Variants in ERBB4 observed in about 807,000 individuals in gnomAD.
ERBB4 encodes receptor tyrosine-protein kinase erbB-4.
Under a neutral mutation model 158.0 loss-of-function variants are expected in ERBB4, and 42 were observed. The observed-to-expected ratio is 0.27, with a 90% CI of 0.21 to 0.34. The LOEUF (loss-of-function observed/expected upper bound fraction) is 0.34, where lower values mean the gene tolerates loss of function less well. Ranked by LOEUF, ERBB4 falls within the 10% of genes least tolerant of loss-of-function variation. The pLI is 1.00. For missense variants in ERBB4, 1,333 were observed against 1,624.1 expected, an observed-to-expected ratio of 0.82 and a Z score of 3.08; for synonymous variants, 583 against 558.7, an observed-to-expected ratio of 1.04 and a Z score of -0.61.
chr2:211,391,649 T>C (rs544587613), intron 25 of ERBB4, among the ~76,000 whole-genome samples: 7 of 152,320 alleles, frequency 4.6e-5, no homozygotes, highest in African/African-American at 1.7e-4. Flanking sequence ...AAGGCAAGTA[T>C]CAGTAAATGA....
At chr2:212,006,669 C>T (rs2125296017) in intron 2 of ERBB4, among the ~76,000 whole-genome samples, 1 of 152,080 alleles carries the variant, frequency 6.6e-6, no homozygotes, top group Middle Eastern at 3.4e-3. Flanking sequence ...TGATCCGTGG[C>T]TCAGAGCATC....
intron 1 of ERBB4, among the ~76,000 whole-genome samples, chr2:212,512,337 T>C (rs796144689): frequency 8.7e-5 from 13 of 149,466 alleles, no homozygotes; most frequent in Non-Finnish European, 1.0e-4. Flanking sequence ...TATATATATA[T>C]ACACACAAAT....
intron 1 of ERBB4, among the ~76,000 whole-genome samples, chr2:212,464,520 G>A (rs539496838): frequency 5.3e-5 from 8 of 151,970 alleles, no homozygotes; most frequent in Non-Finnish European, 1.2e-4. Flanking sequence ...CAGTTTAGCT[G>A]CCTGAGAACC....
At chr2:211,556,890 A>G (rs929436931) in intron 20 of ERBB4, among the ~76,000 whole-genome samples, 3 of 152,232 alleles carry the variant, frequency 2.0e-5, no homozygotes, top group Admixed American at 6.5e-5. Flanking sequence ...CCAACACAGC[A>G]TGGTACTGGT....
At chr2:211,469,399 T>C (rs1372700396) in intron 20 of ERBB4, among the ~76,000 whole-genome samples, 1 of 152,124 alleles carries the variant, frequency 6.6e-6, no homozygotes, top group Non-Finnish European at 1.5e-5. Flanking sequence ...CATAGTCTGG[T>C]GGGGGAAGTG....
chr2:211,510,447 G>A (rs1385389801), intron 20 of ERBB4, among the ~76,000 whole-genome samples: 3 of 152,042 alleles, frequency 2.0e-5, no homozygotes, highest in South Asian at 2.1e-4. Context: ...AAACCTGCAT[G>A]TGTGTCCCCT....
intron 1 of ERBB4, among the ~76,000 whole-genome samples, chr2:212,494,040 A>G (rs1044375443): frequency 2.6e-5 from 4 of 151,852 alleles, no homozygotes; most frequent in East Asian, 1.9e-4. Context: ...TTTGCATCAC[A>G]AAGAATAGTG....
At chr2:212,292,741 G>T (rs2086254163) in intron 1 of ERBB4, among the ~76,000 whole-genome samples, 2 of 152,032 alleles carry the variant, frequency 1.3e-5, no homozygotes, top group African/African-American at 4.8e-5. Context: ...AAAAAGATTA[G>T]TGAAAAGTTG....
chr2:212,115,481 T>C (rs1026239416), intron 2 of ERBB4, among the ~76,000 whole-genome samples: 2 of 152,232 alleles, frequency 1.3e-5, no homozygotes, highest in Non-Finnish European at 2.9e-5. Flanking sequence ...AAAAGATAGC[T>C]CATTGCCAAT....
chr2:211,724,342 GTCTT>G lies in ERBB4; in HGVS notation c.741+730_741+733del, dbSNP rs201673268. Among the ~76,000 whole-genome samples the G allele has an allele frequency of 8.5e-3, 1,257 of 148,582 alleles. 4 individuals are homozygous for G. Among genetic ancestry groups the G allele is most frequent in the Middle Eastern group, 0.014 (4 of 290 alleles). On this transcript the variant is annotated intron_variant, in intron 6 of 27. Coordinates refer to ENST00000342788, the MANE Select transcript of ERBB4 (RefSeq NM_005235.3). ...GGTTTGCTCATTGCTGGAATTAAGT[GTCTT>G]TCTTTTTTTTTTTTTAAAAAAAGCT...
intron 1 of ERBB4, among the ~76,000 whole-genome samples, chr2:212,519,417 T>C (rs1460492833): frequency 6.6e-6 from 1 of 151,956 alleles, no homozygotes; most frequent in Non-Finnish European, 1.5e-5. Context: ...TTTTCAAGAA[T>C]GTATTGATGG....
chr2:211,810,469 T>G (rs914622938), intron 3 of ERBB4, among the ~76,000 whole-genome samples: 2 of 152,190 alleles, frequency 1.3e-5, no homozygotes, highest in Non-Finnish European at 2.9e-5. Context: ...TCTTTTGATC[T>G]TTGTTTGTTT....
At chr2:212,258,279 C>A (rs1173421226) in intron 1 of ERBB4, among the ~76,000 whole-genome samples, 1 of 151,836 alleles carries the variant, frequency 6.6e-6, no homozygotes, top group Non-Finnish European at 1.5e-5. Flanking sequence ...TCATTAAAGA[C>A]TACTTTTTAG....
chr2:211,896,664 T>C (rs2079105828), intron 3 of ERBB4, among the ~76,000 whole-genome samples: 1 of 152,170 alleles, frequency 6.6e-6, no homozygotes, highest in South Asian at 2.1e-4. Context: ...CCTTTTAAAA[T>C]TTGATTGTCA....
intron 2 of ERBB4, among the ~76,000 whole-genome samples, chr2:211,977,341 T>C (rs2081638187): frequency 6.6e-6 from 1 of 152,048 alleles, no homozygotes; most frequent in Non-Finnish European, 1.5e-5. Context: ...AGAAAGATGA[T>C]GAAGTAGTCT....
At chr2:211,786,723 C>T (rs1047978245) in intron 4 of ERBB4, among the ~76,000 whole-genome samples, 1 of 152,174 alleles carries the variant, frequency 6.6e-6, no homozygotes, top group Non-Finnish European at 1.5e-5. Flanking sequence ...GTCTGATAAG[C>T]TGAGAGTCAG....
intron 3 of ERBB4, among the ~76,000 whole-genome samples, chr2:211,865,746 A>C (rs1027703652): frequency 1.3e-5 from 2 of 152,216 alleles, no homozygotes; most frequent in African/African-American, 2.4e-5. Context: ...TGCTCAGACC[A>C]AAGAGTAAGA....
chr2:212,423,090 G>A (rs546283525), intron 1 of ERBB4, among the ~76,000 whole-genome samples: 7 of 152,132 alleles, frequency 4.6e-5, no homozygotes, highest in African/African-American at 1.7e-4. Flanking sequence ...AAAGTAATCT[G>A]TGTAAATAAA....
chr2:212,410,113 A>T (rs972706480), intron 1 of ERBB4, among the ~76,000 whole-genome samples: 4 of 152,088 alleles, frequency 2.6e-5, no homozygotes, highest in African/African-American at 4.8e-5. Context: ...TTTTAAAGAT[A>T]GAAGTGACAC....
Sources: gnomAD v4.1 joint callset for allele counts (sites outside exome capture counted in the v4.1 genomes callset) on GRCh38, gnomAD v4.1.1 for gene constraint, MANE v1.5 for transcripts, NCBI Gene and HGNC (gene_info 2026-07-23, HGNC 2026-07-21) for gene names.